TATDN1: variants seen among roughly 807,000 people sequenced by gnomAD.
TATDN1 encodes deoxyribonuclease TATDN1.
A neutral mutation model predicts 46.4 loss-of-function variants in TATDN1; 40 were observed. The observed-to-expected ratio is 0.86, with a 90% CI of 0.67 to 1.12. TATDN1 has a LOEUF of 1.12. Ranked by LOEUF, TATDN1 falls within the 50% of genes most tolerant of loss-of-function variation. The probability of loss-of-function intolerance (pLI) is 0.00; values close to 1 mark genes in which losing one functional copy is unlikely to be tolerated. For synonymous variants in TATDN1, 95 were observed against 105.6 expected (o/e 0.90, Z 0.62); for missense variants, 326 against 348.4 (o/e 0.94, Z 0.51).
chr8:124,530,375 C>T (rs994767981), intron 1 of TATDN1, among the ~76,000 whole-genome samples: 1 of 152,144 alleles, frequency 6.6e-6, no homozygotes, highest in African/African-American at 2.4e-5. Context: ...CAATAGGTTT[C>T]CTTCTACTAG....
chr8:124,518,343 T>C (rs1235422583), intron 4 of TATDN1, among the ~76,000 whole-genome samples: 2 of 145,786 alleles, frequency 1.4e-5, no homozygotes, highest in Non-Finnish European at 3.0e-5. Flanking sequence ...GCTAACATGG[T>C]GAAACCCCGT....
intron 8 of TATDN1, among the ~76,000 whole-genome samples, chr8:124,507,266 G>T (rs1415647009): frequency 6.6e-6 from 1 of 152,194 alleles, no homozygotes; most frequent in Non-Finnish European, 1.5e-5. Context: ...TATCAGAGAA[G>T]TGTTTAGTGC....
chr8:124,536,052 T>C (rs1247131721), intron 1 of TATDN1, among the ~76,000 whole-genome samples: 10 of 152,254 alleles, frequency 6.6e-5, no homozygotes, highest in African/African-American at 2.2e-4. Flanking sequence ...TGTTTTTATT[T>C]TCACTGTTGT....
chr8:124,511,612 T>C (rs1819023401), intron 6 of TATDN1, among the ~76,000 whole-genome samples: 1 of 152,174 alleles, frequency 6.6e-6, no homozygotes, highest in Admixed American at 6.5e-5. Context: ...TTTCCATAAG[T>C]AGATCAGGCC....
At chr8:124,496,050 CA>C (rs1817444424) in intron 9 of TATDN1, among the ~76,000 whole-genome samples, 1 of 152,208 alleles carries the variant, frequency 6.6e-6, no homozygotes, top group African/African-American at 2.4e-5. Context: ...CTCTATCAGC[CA>C]AAACCCAGCT....
intron 6 of TATDN1, among the ~76,000 whole-genome samples, chr8:124,509,895 C>T (rs868712163): frequency 2.5e-4 from 38 of 151,918 alleles, no homozygotes; most frequent in African/African-American, 7.7e-4. Context: ...AAAAATTAGC[C>T]GGCATGTTGG....
rs530003870 is a variant in TATDN1, at chr8:124,520,298, G to A, written c.139-1417C>T. 4.8e-4 allele frequency among the ~76,000 whole-genome samples: 73 copies of A among 152,104 alleles called. 2 individuals are homozygous for A. In the South Asian group the frequency reaches 0.015, roughly 31 times the overall value. On this transcript the variant is annotated intron_variant, in intron 3 of 11. Coordinates refer to ENST00000276692, the MANE Select transcript of TATDN1 (RefSeq NM_032026.4). Reference sequence around the variant, plus strand: ...CTGAAAATACAAAAATTAGCCAGGCGTGGTGGCAGGCCCCTGTAGTCCCAG... The same window carrying A: ...CTGAAAATACAAAAATTAGCCAGGCATGGTGGCAGGCCCCTGTAGTCCCAG...
intron 1 of TATDN1, among the ~76,000 whole-genome samples, chr8:124,537,106 T>C (rs760799696): frequency 1.3e-5 from 2 of 152,226 alleles, no homozygotes; most frequent in Non-Finnish European, 2.9e-5. Context: ...TTGCTTATTT[T>C]ATCTGATGCT....
At chr8:124,522,365 G>A (rs550520915) in intron 2 of TATDN1, among the ~76,000 whole-genome samples, 165 bp from the exon 3 acceptor site, 1 of 152,206 alleles carries the variant, frequency 6.6e-6, no homozygotes, top group East Asian at 1.9e-4. Context: ...CATGATCATG[G>A]TTTATCAATA....
chr8:124,495,793 AGTCT>A (rs1177500803), intron 9 of TATDN1, among the ~76,000 whole-genome samples: 1 of 152,214 alleles, frequency 6.6e-6, no homozygotes, highest in Non-Finnish European at 1.5e-5. Flanking sequence ...GTTCTATATC[AGTCT>A]AAGTAAAATT....
At chr8:124,504,658 T>A (rs72713075) in intron 8 of TATDN1, 16,908 of 197,964 alleles carry the variant, frequency 0.085, 855 homozygotes, top group East Asian at 0.17. Context: ...AGATATATTC[T>A]TAGGCAAAAA....
chr8:124,520,942 C>CAAAA (rs1162309758), intron 3 of TATDN1, among the ~76,000 whole-genome samples: 5 of 82,238 alleles, frequency 6.1e-5, no homozygotes, highest in African/African-American at 1.3e-4. Context: ...GACTCCGTCT[C>CAAAA]AAAAAAAAAA....
intron 9 of TATDN1, among the ~76,000 whole-genome samples, chr8:124,502,340 CAAAAAAAAA>C (rs1278936566): frequency 1.5e-5 from 1 of 64,698 alleles, no homozygotes; most frequent in African/African-American, 5.7e-5. Context: ...GAGTCCCTCT[CAAAAAAAAA>C]AAAAAAAAAG....
chr8:124,537,295 A>C (rs535395423), intron 1 of TATDN1, among the ~76,000 whole-genome samples: 19 of 152,328 alleles, frequency 1.2e-4, no homozygotes, highest in Non-Finnish European at 2.5e-4. Context: ...ATGTGGTATA[A>C]GTTTTAAGGA....
At position 124,522,161 on chromosome 8, in the gene TATDN1, C is replaced by A; in HGVS notation, c.128G>T (p.Gly43Val). The change falls in exon 3 of 12, where the codon GGT becomes GTT. Residue 43 changes from glycine to valine, a missense_variant. Physicochemically the swap from Gly to Val is moderately radical, Grantham distance 109. Transcript: ENST00000276692. Reference sequence around the variant, plus strand: ...CAAAATGGATGTTACCTTTTTAACACCAATCTCGACAGCTCTCCCTATTAC... The same window carrying A: ...CAAAATGGATGTTACCTTTTTAACAACAATCTCGACAGCTCTCCCTATTAC... ...QDVIGRAVEIGVKKFMITGGN... is the reference protein window; with the variant it reads ...QDVIGRAVEIVVKKFMITGGN... 2 of 1,591,718 alleles carry A rather than the reference C, an allele frequency of 1.3e-6. No homozygotes were observed. The highest frequency in any genetic ancestry group is 1.7e-5 in the Admixed American group (1 of 57,332).
intron 9 of TATDN1, among the ~76,000 whole-genome samples, chr8:124,496,588 T>G (rs11989882): frequency 0.03 from 4,607 of 152,300 alleles, 239 homozygotes; most frequent in African/African-American, 0.1. Context: ...GTATGTAGTC[T>G]TTTTCAGGCT....
chr8:124,504,255 C>A lies in TATDN1; in HGVS notation c.593+16G>T. ...CTTAAATAAAAGTTAAAAACCAAAG[C>A]AACCTAAGAACGTACCAACCATTAA... On this transcript the variant is annotated intron_variant, in intron 9 of 11. Transcript: ENST00000276692. 6.4e-7 allele frequency: 1 copy of A among 1,565,136 alleles called. No homozygotes were observed. The highest frequency in any genetic ancestry group is 1.2e-5 in the South Asian group (1 of 82,770).
intron 1 of TATDN1, among the ~76,000 whole-genome samples, chr8:124,528,465 G>A (rs1036175534): frequency 1.1e-4 from 17 of 152,104 alleles, no homozygotes; most frequent in African/African-American, 3.9e-4. Flanking sequence ...GAGCCACTGC[G>A]CCCGGCCTCT....
chr8:124,522,302 A>T (rs1820118244), intron 2 of TATDN1, 102 bp from the exon 3 acceptor site: 1 of 738,836 alleles, frequency 1.4e-6, no homozygotes, highest in African/African-American at 1.8e-5. Flanking sequence ...TATATTTGAA[A>T]TTATAAACTT....
Sources: allele counts gnomAD v4.1 joint callset (sites outside exome capture counted in the v4.1 genomes callset), GRCh38; gene constraint gnomAD v4.1.1; transcripts MANE v1.5; gene names NCBI Gene and HGNC (gene_info 2026-07-23, HGNC 2026-07-21).